S100PBP: variants seen among roughly 807,000 people sequenced by gnomAD.
S100PBP encodes S100P binding protein, also known as S100P-binding protein.
In S100PBP, 15 loss-of-function variants were observed where a neutral mutation model predicts 39.9. The ratio of observed to expected loss-of-function variants is 0.38; its 90% CI spans 0.25 to 0.58. S100PBP has a LOEUF of 0.58. S100PBP is among the 20% of genes least tolerant of loss of function. The pLI is 0.70. For missense variants in S100PBP, 504 were observed against 487.3 expected (o/e 1.03, Z -0.32); for synonymous variants, 178 against 180.3 (o/e 0.99, Z 0.10).
At chr1:32,848,493 A>G (rs1640479177) in intron 5 of S100PBP, among the ~76,000 whole-genome samples, 4 of 152,144 alleles carry the variant, frequency 2.6e-5, no homozygotes, top group Admixed American at 2.6e-4. Context: ...TGACATTTCA[A>G]AGAAGAGTAT....
upstream of S100PBP, chr1:32,817,450 G>A: frequency 3.1e-6 from 2 of 645,552 alleles, no homozygotes; most frequent in East Asian, 2.7e-5. Flanking sequence ...TCGATGAGAC[G>A]GGAAAAGGTG....
chr1:32,841,932 C>G (rs928271432), intron 5 of S100PBP, among the ~76,000 whole-genome samples: 1 of 150,918 alleles, frequency 6.6e-6, no homozygotes, highest in African/African-American at 2.4e-5. Flanking sequence ...AGCCTGTAAT[C>G]CCAGCACTTT....
chr1:32,847,111 C>T (rs1640414764), intron 5 of S100PBP, among the ~76,000 whole-genome samples: 1 of 152,132 alleles, frequency 6.6e-6, no homozygotes, highest in Non-Finnish European at 1.5e-5. Flanking sequence ...AAGACATCAT[C>T]TAAATAGGAA....
chr1:32,847,194 C>T (rs1016474986), intron 5 of S100PBP: 7 of 152,094 alleles, frequency 4.6e-5, no homozygotes, highest in African/African-American at 1.2e-4. Context: ...ATCCAAGTTT[C>T]GATGTGATAT....
At chr1:32,847,140 A>G (rs1450357048) in intron 5 of S100PBP, among the ~76,000 whole-genome samples, 1 of 152,132 alleles carries the variant, frequency 6.6e-6, no homozygotes, top group Non-Finnish European at 1.5e-5. Flanking sequence ...TTTTATATGC[A>G]CTCACATACT....
intron 5 of S100PBP, among the ~76,000 whole-genome samples, chr1:32,830,843 T>G (rs1639565052): frequency 1.3e-5 from 2 of 152,098 alleles, no homozygotes; most frequent in African/African-American, 4.8e-5. Context: ...GCCAGGAGTT[T>G]AAGACCAGCC....
Position 32,858,182 on chromosome 1 carries a change from G to A in S100PBP, c.*2144G>A, listed in dbSNP as rs1640889649. 6.6e-6 allele frequency: 1 copy of A among 152,612 alleles called. No homozygotes were observed. 9.5% of individuals were successfully genotyped at this position (152,612 alleles called of 1,614,324 possible). A position where few individuals can be genotyped will look rare whatever the true frequency, so the allele number is the denominator to read the frequency against. ...GAAAACCCAAGGAGTGAAGGGACAG[G>A]ATTTTGCCTAGGCAAAAATCTAAGA... On this transcript the variant is annotated 3_prime_UTR_variant, in exon 7 of 7. Transcript: ENST00000373475.
At chr1:32,829,751 AC>A (rs71571727) in intron 4 of S100PBP, among the ~76,000 whole-genome samples, 1 of 151,958 alleles carries the variant, frequency 6.6e-6, no homozygotes. Flanking sequence ...GAGCCACCAC[AC>A]CCAGCTTCTC....
rs533922086 is a variant in S100PBP at position 32,843,778 on chromosome 1, C to T, written c.1025-9301C>T. On this transcript the variant is annotated intron_variant, in intron 5 of 6. Coordinates refer to ENST00000373475, the MANE Select transcript of S100PBP (RefSeq NM_022753.4). The stretch of plus-strand genomic sequence containing the variant: ...TAATTTTTTGTATTTTTAGTAAAGA[C>T]GGGGTTTCACCATGTTAGCCAGGAT... 4.6e-5 allele frequency among the ~76,000 whole-genome samples: 7 copies of T among 151,520 alleles called. No individual in the cohort carries two copies. In the South Asian group the frequency reaches 1.5e-3, roughly 32 times the overall value.
At position 32,830,077 on chromosome 1, in the gene S100PBP, TA is replaced by T; in HGVS notation, c.1024+11del. ...GAGGACACTAACCAAGGTAACATGG[TA>T]CCCAGAGAAAGGCATATAAAACATG... On this transcript the variant is annotated intron_variant, in intron 5 of 6. Coordinates refer to ENST00000373475, the MANE Select transcript of S100PBP (RefSeq NM_022753.4). 1 of 1,538,342 alleles carries T rather than the reference TA, an allele frequency of 6.5e-7. No individual in the cohort carries two copies. Among genetic ancestry groups the T allele is most frequent in the Non-Finnish European group, 9.0e-7 (1 of 1,112,056 alleles).
upstream of S100PBP, chr1:32,816,917 AG>A (rs1460982224): frequency 3.4e-6 from 2 of 587,030 alleles, no homozygotes; most frequent in African/African-American, 1.9e-5. Context: ...GGCACTTAAT[AG>A]GGGGGTGGAA....
rs760129510 is a variant in S100PBP, at chr1:32,826,128, A to T, written c.29A>T (p.Gln10Leu). The T allele has an allele frequency of 6.2e-7, 1 of 1,613,500 alleles. No individual in the cohort carries two copies. Among genetic ancestry groups the T allele is most frequent in the Non-Finnish European group, 8.5e-7 (1 of 1,179,718 alleles). MMCSRVPSE[Q>L]SSGTSLLPKD... ...ATGTGCTCACGGGTGCCCTCTGAAC[A>T]GTCTTCTGGTACCTCTCTCTTGCCT... Residue 10 changes from glutamine to leucine, a missense_variant, in exon 3 of 7, where the codon CAG (glutamine) becomes CTG (leucine). By Grantham distance (113) the Gln-to-Leu change is moderately radical. Coordinates refer to ENST00000373475, the MANE Select transcript of S100PBP (RefSeq NM_022753.4).
At chr1:32,829,209 CT>C (rs11343539) in intron 4 of S100PBP, among the ~76,000 whole-genome samples, 100,794 of 151,916 alleles carry the variant, frequency 0.66, 33,792 homozygotes, top group East Asian at 0.79. Context: ...TCCACTGATT[CT>C]TTAGTACAGT....
chr1:32,856,128 G>A lies in S100PBP; in HGVS notation c.*90G>A, dbSNP rs1373817478. ...TTCTTTTGCTGTTTTGTGCTTTGCC[G>A]ATTTTGGATTTTATTTTTCACAAAA... On this transcript the variant is annotated 3_prime_UTR_variant, in exon 7 of 7. Coordinates refer to ENST00000373475, the MANE Select transcript of S100PBP (RefSeq NM_022753.4). 39 of 781,860 alleles carry A rather than the reference G, an allele frequency of 5.0e-5. No individual in the cohort carries two copies. Among genetic ancestry groups the A allele is most frequent in the South Asian group, 3.6e-4 (19 of 52,204 alleles). The allele number at this position is 781,860 out of a possible 1,614,324, so 48.4% of individuals were successfully genotyped here.
chr1:32,826,359 G>A lies in S100PBP; in HGVS notation c.260G>A (p.Gly87Glu). Residue 87 changes from glycine to glutamate, a missense_variant, in exon 3 of 7, where the codon GGG becomes GAG. Transcript: ENST00000373475. The part of the protein sequence containing the change: ...DGGHVEKGER[G>E]SQILLDTPRE... Reference sequence around the variant, plus strand: ...GGGCATGTTGAGAAGGGAGAAAGAGGGAGTCAAATTCTACTTGATACTCCC... The same window carrying A: ...GGGCATGTTGAGAAGGGAGAAAGAGAGAGTCAAATTCTACTTGATACTCCC... 6.2e-7 allele frequency: 1 copy of A among 1,614,060 alleles called. No homozygotes were observed. Among genetic ancestry groups the A allele is most frequent in the Non-Finnish European group, 8.5e-7 (1 of 1,179,998 alleles).
Position 32,822,263 on chromosome 1 carries a change from A to G in S100PBP, c.-119-3050A>G, listed in dbSNP as rs142097376. On this transcript the variant is annotated intron_variant, in intron 1 of 6. Coordinates refer to ENST00000373475, the MANE Select transcript of S100PBP (RefSeq NM_022753.4). Reference sequence around the variant, plus strand: ...AGTGATGGGTATGTGGTGGTTCATTATACTATTATGTTACTTATGTATATG... The same window carrying G: ...AGTGATGGGTATGTGGTGGTTCATTGTACTATTATGTTACTTATGTATATG... Among the ~76,000 whole-genome samples, 258 of 152,304 alleles carry G rather than the reference A, an allele frequency of 1.7e-3. 2 individuals carry two copies. Among genetic ancestry groups the G allele is most frequent in the African/African-American group, 6.0e-3 (249 of 41,564 alleles).
In S100PBP at chr1:32,826,906, G is replaced by A. The variant is rs754708502; in HGVS notation, c.807G>A (p.Leu269=). Reference sequence around the variant, plus strand: ...AGTCAAGTTGTGAAATGAGATCTCTGGTTGTTTCCACCTCATCAAACAAAG... The same window carrying A: ...AGTCAAGTTGTGAAATGAGATCTCTAGTTGTTTCCACCTCATCAAACAAAG... ...SHKSSCEMRS[L]VVSTSSNKQD... The change falls in exon 3 of 7, where the codon CTG becomes CTA. Residue 269 remains leucine, a synonymous_variant. Transcript: ENST00000373475. The A allele has an allele frequency of 6.3e-7, 1 of 1,592,928 alleles. No homozygotes were observed. Among genetic ancestry groups the A allele is most frequent in the African/African-American group, 1.4e-5 (1 of 73,842 alleles).
At chr1:32,819,211 G>A (rs959181242) in intron 1 of S100PBP, among the ~76,000 whole-genome samples, 4 of 152,180 alleles carry the variant, frequency 2.6e-5, no homozygotes, top group Non-Finnish European at 5.9e-5. Context: ...TCACAGAAAG[G>A]ATGGGGTGTA....
At chr1:32,820,895 C>G (rs1639026060) in intron 1 of S100PBP, among the ~76,000 whole-genome samples, 1 of 152,186 alleles carries the variant, frequency 6.6e-6, no homozygotes, top group Non-Finnish European at 1.5e-5. Context: ...GTAGTCCCAG[C>G]AGCCCTGGGG....
Sources: allele counts gnomAD v4.1 joint callset (sites outside exome capture counted in the v4.1 genomes callset), GRCh38; gene constraint gnomAD v4.1.1; transcripts MANE v1.5; gene names NCBI Gene and HGNC (gene_info 2026-07-23, HGNC 2026-07-21).